The following CABIN1 variants were observed in gnomAD, a reference collection of about 807,000 sequenced individuals.
CABIN1 encodes calcineurin-binding protein cabin-1.
A neutral mutation model predicts 227.7 loss-of-function variants in CABIN1; 133 were observed. The observed-to-expected ratio is 0.58, with a 90% confidence interval of 0.51 to 0.67. CABIN1 has a LOEUF of 0.67. CABIN1 is among the 30% of genes least tolerant of loss of function. The pLI is 0.00. For synonymous variants in CABIN1, 1,086 were observed against 1,155.1 expected, an observed-to-expected ratio of 0.94 and a Z score of 1.21; for missense variants, 2,408 against 2,852.5, an observed-to-expected ratio of 0.84 and a Z score of 3.55.
At chr22:24,164,674 G>GGCTCCC in intron 30 of CABIN1, 111 bp downstream of exon 30, 1 of 1,266,462 alleles carries the variant, frequency 7.9e-7, no homozygotes, top group Non-Finnish European at 1.1e-6. Flanking sequence ...CACTGGCTGG[G>GGCTCCC]AGCCTGGACC....
At chr22:24,084,266 T>C in intron 20 of CABIN1, among the ~76,000 whole-genome samples, 1 of 148,082 alleles carries the variant, frequency 6.8e-6, no homozygotes, top group Non-Finnish European at 1.5e-5. Context: ...TGAGATGGAG[T>C]CTCACTCTGT....
intron 34 of CABIN1, among the ~76,000 whole-genome samples, chr22:24,172,709 T>C (rs2148786549): frequency 6.6e-6 from 1 of 152,256 alleles, no homozygotes; most frequent in Admixed American, 6.5e-5. Flanking sequence ...ATCCTTCCTT[T>C]GGGGAGGGGA....
intron 8 of CABIN1, among the ~76,000 whole-genome samples, chr22:24,051,579 C>T (rs551366743): frequency 9.9e-4 from 151 of 152,224 alleles, no homozygotes; most frequent in African/African-American, 3.4e-3. Context: ...GACATTGAAT[C>T]TTTAAGTTTA....
chr22:24,093,749 C>T (rs1229892016), intron 24 of CABIN1, among the ~76,000 whole-genome samples: 7 of 151,108 alleles, frequency 4.6e-5, no homozygotes, highest in Non-Finnish European at 7.4e-5. Context: ...CCTGGTGGCA[C>T]GCACCTGTAG....
chr22:24,053,857 A>G (rs2038564763), intron 8 of CABIN1, among the ~76,000 whole-genome samples: 1 of 151,984 alleles, frequency 6.6e-6, no homozygotes, highest in South Asian at 2.1e-4. Context: ...GGGGGCTGTG[A>G]GGAGAGAAGC....
intron 26 of CABIN1, among the ~76,000 whole-genome samples, chr22:24,105,615 C>T (rs1431967970): frequency 6.6e-6 from 1 of 152,136 alleles, no homozygotes; most frequent in Non-Finnish European, 1.5e-5. Flanking sequence ...CCTGGAGGTT[C>T]CATCCAGGGT....
chr22:24,130,335 T>G (rs1228341464), intron 28 of CABIN1, among the ~76,000 whole-genome samples: 1 of 152,124 alleles, frequency 6.6e-6, no homozygotes, highest in African/African-American at 2.4e-5. Flanking sequence ...CTATAGTGGA[T>G]AGGTCAGGGG....
chr22:24,084,809 T>TG, intron 21 of CABIN1, 24 bp downstream of exon 21: 1 of 1,610,398 alleles, frequency 6.2e-7, no homozygotes, highest in Non-Finnish European at 8.5e-7. Context: ...CTTGAGGACG[T>TG]GGGGGACAGG....
chr22:24,081,137 A>G (rs987957518), intron 19 of CABIN1, among the ~76,000 whole-genome samples: 2 of 152,200 alleles, frequency 1.3e-5, no homozygotes, highest in African/African-American at 4.8e-5. Flanking sequence ...AATTTCATAT[A>G]ATCTTCATGT....
intron 29 of CABIN1, chr22:24,156,045 C>T: frequency 6.2e-6 from 3 of 486,784 alleles, no homozygotes; most frequent in Non-Finnish European, 1.1e-5. Context: ...CGCCCTAGCT[C>T]CACTGCACAG....
intron 1 of CABIN1, among the ~76,000 whole-genome samples, chr22:24,018,977 C>A (rs2035500143): frequency 6.6e-6 from 1 of 152,066 alleles, no homozygotes; most frequent in Admixed American, 6.5e-5. Flanking sequence ...TTTTAATTAA[C>A]TTTATTCCTA....
chr22:24,101,869 G>GTA (rs2042221068), intron 26 of CABIN1: 3 of 93,454 alleles, frequency 3.2e-5, no homozygotes, highest in African/African-American at 1.9e-4. Flanking sequence ...GTGTATGTAT[G>GTA]TGTGTGTGTG....
At chr22:24,033,482 A>G (rs1452553109) in intron 1 of CABIN1, among the ~76,000 whole-genome samples, 1 of 152,232 alleles carries the variant, frequency 6.6e-6, no homozygotes, top group Non-Finnish European at 1.5e-5. Context: ...TTTAATTGAT[A>G]AAAGTGGAGC....
intron 32 of CABIN1, among the ~76,000 whole-genome samples, 179 bp downstream of exon 32, chr22:24,167,492 G>A (rs2046523304): frequency 6.6e-6 from 1 of 152,188 alleles, no homozygotes; most frequent in African/African-American, 2.4e-5. Context: ...TATTCAACCT[G>A]GAAGGAAGTG....
chr22:24,137,979 C>T (rs976059306), intron 29 of CABIN1, among the ~76,000 whole-genome samples: 1 of 152,110 alleles, frequency 6.6e-6, no homozygotes, highest in Admixed American at 6.5e-5. Context: ...TGGGTGCTGG[C>T]CCTTGAGAGG....
chr22:24,063,886 C>A, intron 14 of CABIN1, 149 bp from the exon 15 acceptor site: 1 of 882,024 alleles, frequency 1.1e-6, no homozygotes, highest in Non-Finnish European at 1.9e-6. Flanking sequence ...AAGCTACATG[C>A]CAGGCCTTTC....
At chr22:24,031,196 C>T (rs1279912553) in intron 1 of CABIN1, among the ~76,000 whole-genome samples, 5 of 152,150 alleles carry the variant, frequency 3.3e-5, no homozygotes, top group Non-Finnish European at 7.3e-5. Flanking sequence ...AGAGCTAGCA[C>T]GTGTCCTGCA....
intron 1 of CABIN1, among the ~76,000 whole-genome samples, chr22:24,019,279 C>T (rs548308578): frequency 3.3e-5 from 5 of 151,400 alleles, no homozygotes; most frequent in African/African-American, 1.2e-4. Context: ...TACAGGCATG[C>T]GCCACCATGC....
Position 24,177,833 on chromosome 22 carries a change from G to C in CABIN1, c.6519+16G>C. ...GAAGCTGAAGGTGACCTCAGGGGCT[G>C]GGCTGGAGCCATGTGTGGGTGGGAG... On this transcript the variant is annotated intron_variant, in intron 36 of 36. Transcript: ENST00000263119. This position sits in a 1 kb window ranked among gnomAD's most constrained non-coding sequence, Gnocchi z 4.4. The C allele has an allele frequency of 6.2e-7, 1 of 1,604,078 alleles. No individual in the cohort carries two copies. Among genetic ancestry groups the C allele is most frequent in the Non-Finnish European group, 8.5e-7 (1 of 1,173,782 alleles).
Sources: allele counts gnomAD v4.1 joint callset (sites outside exome capture counted in the v4.1 genomes callset), GRCh38; gene constraint gnomAD v4.1.1; non-coding constraint Gnocchi (gnomAD v3.1); transcripts MANE v1.5; gene names NCBI Gene and HGNC (gene_info 2026-07-23, HGNC 2026-07-21).